Variants in ARHGAP35 observed in about 807,000 individuals in gnomAD.
ARHGAP35 encodes rho GTPase-activating protein 35.
A neutral mutation model predicts 111.1 loss-of-function variants in ARHGAP35; 15 were observed. That is an observed-to-expected ratio of 0.13 (90% CI 0.09 to 0.21). The LOEUF is 0.21. Ranked by LOEUF, ARHGAP35 falls within the 10% of genes least tolerant of loss-of-function variation. The pLI is 1.00. For missense variants in ARHGAP35, 1,262 were observed against 1,873.0 expected (o/e 0.67, Z 6.02); for synonymous variants, 643 against 710.3 (o/e 0.91, Z 1.51).
intron 3 of ARHGAP35, among the ~76,000 whole-genome samples, chr19:46,940,011 C>T (rs1459008200): frequency 6.6e-6 from 1 of 151,232 alleles, no homozygotes; most frequent in African/African-American, 2.4e-5. Context: ...CCGAGGCAAG[C>T]AGATCATGAG....
chr19:46,867,758 T>TTTG (rs574337716), intron 1 of ARHGAP35, among the ~76,000 whole-genome samples: 13 of 152,122 alleles, frequency 8.5e-5, no homozygotes, highest in African/African-American at 1.7e-4. Context: ...GCTAAAGTTT[T>TTTG]TTGTTGTTGT....
Position 47,001,182 on chromosome 19 carries a change from C to A in ARHGAP35, c.*494C>A. 8.0e-7 allele frequency: 1 copy of A among 1,242,330 alleles called. No homozygotes were observed. Among genetic ancestry groups the A allele is most frequent in the Non-Finnish European group, 1.0e-6 (1 of 967,754 alleles). 77.0% of individuals were successfully genotyped at this position (1,242,330 alleles called of 1,614,324 possible). ...CAAGGTAAGGGTACAGCCCGGCTGG[C>A]GGCCTCCTTGGGAACGTGTAGGCCA... On this transcript the variant is annotated 3_prime_UTR_variant, in exon 7 of 7. Coordinates refer to ENST00000672722, the MANE Select transcript of ARHGAP35 (RefSeq NM_004491.5). This position sits in a 1 kb window ranked among gnomAD's most constrained non-coding sequence, Gnocchi z 5.4.
rs921216102 is a variant in ARHGAP35, at chr19:47,005,001, A to T, written c.*4313A>T. The T allele has an allele frequency of 1.3e-5, 2 of 152,194 alleles. No homozygotes were observed. Among genetic ancestry groups the T allele is most frequent in the South Asian group, 4.1e-4 (2 of 4,832 alleles). The allele number at this position is 152,194 out of a possible 1,614,324, so 9.4% of individuals were successfully genotyped here. On this transcript the variant is annotated 3_prime_UTR_variant, in exon 7 of 7. Transcript: ENST00000672722. ...GCTACAAAGTATTGTACTTGTCTCA[A>T]TGGGAATGGTGTAAAAAACAAAAGG... is the stretch of plus-strand genomic sequence containing the variant.
intron 1 of ARHGAP35, among the ~76,000 whole-genome samples, chr19:46,883,187 G>A (rs549768619): frequency 5.3e-5 from 8 of 151,862 alleles, no homozygotes; most frequent in East Asian, 1.9e-4. Flanking sequence ...CTCCGCCTCC[G>A]AGGTTCAAGC....
rs1219206816 is a variant in ARHGAP35, at chr19:47,003,030, AG to A, written c.*2345del. ...AGGGACTGTGGCAGCTTATGTCCAA[AG>A]GGAGCCCCCATGCACAGGAAGCCAC... On this transcript the variant is annotated 3_prime_UTR_variant, in exon 7 of 7. Coordinates refer to ENST00000672722, the MANE Select transcript of ARHGAP35 (RefSeq NM_004491.5). The A allele has an allele frequency of 6.6e-6, 1 of 152,356 alleles. No individual in the cohort carries two copies. The highest frequency in any genetic ancestry group is 2.4e-5 in the African/African-American group (1 of 41,452). The allele number at this position is 152,356 out of a possible 1,614,324, so 9.4% of individuals were successfully genotyped here. A position where few individuals can be genotyped will look rare whatever the true frequency, so the allele number is the denominator to read the frequency against.
chr19:46,882,204 G>T (rs978593275), intron 1 of ARHGAP35, among the ~76,000 whole-genome samples: 6 of 151,716 alleles, frequency 4.0e-5, no homozygotes, highest in African/African-American at 1.5e-4. Flanking sequence ...CATGATTATG[G>T]CTTACTGTAG....
In ARHGAP35 at chr19:47,004,627, T is replaced by C. The variant is rs1171782651; in HGVS notation, c.*3939T>C. ...ACATGTTAAATGATCTTTATATATG[T>C]TGAATTAACAAATATTTTGAGTTTC... is the stretch of plus-strand genomic sequence containing the variant. On this transcript the variant is annotated 3_prime_UTR_variant, in exon 7 of 7. Transcript: ENST00000672722. 2 of 152,708 alleles carry C rather than the reference T, an allele frequency of 1.3e-5. No individual in the cohort carries two copies. The highest frequency in any genetic ancestry group is 2.9e-5 in the Non-Finnish European group (2 of 68,052). 9.5% of individuals were successfully genotyped at this position (152,708 alleles called of 1,614,324 possible). A position where few individuals can be genotyped will look rare whatever the true frequency, so the allele number is the denominator to read the frequency against.
At position 46,922,464 on chromosome 19, in the gene ARHGAP35, C is replaced by G; in HGVS notation, c.3681+108C>G. 9.3e-7 allele frequency: 1 copy of G among 1,080,434 alleles called. No homozygotes were observed. The highest frequency in any genetic ancestry group is 1.3e-6 in the Non-Finnish European group (1 of 783,314). The allele number at this position is 1,080,434 out of a possible 1,614,324, so 66.9% of individuals were successfully genotyped here. ...ACCTATTCTGGTAAAAAAAAAACTG[C>G]CCTGTGTGTGTATTTGACTTAACAT... On this transcript the variant is annotated intron_variant, in intron 2 of 6. Coordinates refer to ENST00000672722, the MANE Select transcript of ARHGAP35 (RefSeq NM_004491.5). The surrounding 1 kb of genome is among the most constrained non-coding windows in gnomAD (Gnocchi z 4.0).
At chr19:46,903,666 C>T (rs2056091948) in intron 1 of ARHGAP35, among the ~76,000 whole-genome samples, 1 of 152,154 alleles carries the variant, frequency 6.6e-6, no homozygotes, top group African/African-American at 2.4e-5. Flanking sequence ...AGGGCTAAAC[C>T]AGTGATAAGA....
chr19:46,964,478 G>A (rs540682126), intron 3 of ARHGAP35, among the ~76,000 whole-genome samples: 38 of 152,252 alleles, frequency 2.5e-4, no homozygotes, highest in African/African-American at 8.9e-4. Context: ...AGCTGGTCTT[G>A]AACTCCTGAG....
intron 1 of ARHGAP35, among the ~76,000 whole-genome samples, chr19:46,879,042 A>G (rs781050230): frequency 6.6e-6 from 1 of 152,202 alleles, no homozygotes; most frequent in African/African-American, 2.4e-5. Context: ...TCAAAATTAG[A>G]GTCAATCCTC....
intron 1 of ARHGAP35, among the ~76,000 whole-genome samples, chr19:46,864,827 T>A (rs2055846757): frequency 6.6e-6 from 1 of 152,266 alleles, no homozygotes; most frequent in Non-Finnish European, 1.5e-5. Context: ...AGAGTTTGTG[T>A]TACCCATGTT....
At chr19:46,872,087 T>C (rs1042472642) in intron 1 of ARHGAP35, among the ~76,000 whole-genome samples, 2 of 152,096 alleles carry the variant, frequency 1.3e-5, no homozygotes, top group African/African-American at 2.4e-5. Flanking sequence ...TGTTTATAAA[T>C]TTAAAAAAAA....
intron 1 of ARHGAP35, among the ~76,000 whole-genome samples, chr19:46,883,036 A>G (rs527764853): frequency 1.3e-5 from 2 of 152,242 alleles, no homozygotes; most frequent in Non-Finnish European, 2.9e-5. Flanking sequence ...AAAGCGAGGG[A>G]CATGTGACTC....
At chr19:46,977,897 G>A (rs1239426322) in intron 3 of ARHGAP35, among the ~76,000 whole-genome samples, 2 of 152,246 alleles carry the variant, frequency 1.3e-5, no homozygotes, top group Non-Finnish European at 2.9e-5. Context: ...AAAGGCTTAT[G>A]GCTGGCCTTG....
At chr19:46,982,896 A>T (rs921651750) in intron 3 of ARHGAP35, among the ~76,000 whole-genome samples, 1 of 151,610 alleles carries the variant, frequency 6.6e-6, no homozygotes, top group South Asian at 2.1e-4. Flanking sequence ...AAAAAAATTT[A>T]AAAATTAGCC....
rs921216102 is a variant in ARHGAP35 at position 47,005,001 on chromosome 19, A to C, written c.*4313A>C. 1 of 152,194 alleles carries C rather than the reference A, an allele frequency of 6.6e-6. No homozygotes were observed. The highest frequency in any genetic ancestry group is 1.5e-5 in the Non-Finnish European group (1 of 68,036). 9.4% of individuals were successfully genotyped at this position (152,194 alleles called of 1,614,324 possible). A position where few individuals can be genotyped will look rare whatever the true frequency, so the allele number is the denominator to read the frequency against. ...GCTACAAAGTATTGTACTTGTCTCA[A>C]TGGGAATGGTGTAAAAAACAAAAGG... is the stretch of plus-strand genomic sequence containing the variant. On this transcript the variant is annotated 3_prime_UTR_variant, in exon 7 of 7. Coordinates refer to ENST00000672722, the MANE Select transcript of ARHGAP35 (RefSeq NM_004491.5).
chr19:46,874,661 T>C (rs6509296), intron 1 of ARHGAP35, among the ~76,000 whole-genome samples: 144,234 of 151,306 alleles, frequency 0.95, 68,867 homozygotes, highest in African/African-American at 0.99. Context: ...CCTGCTACCA[T>C]GCCTGGCTAA....
intron 1 of ARHGAP35, among the ~76,000 whole-genome samples, chr19:46,892,128 A>AG (rs2056027283): frequency 6.7e-6 from 1 of 148,606 alleles, no homozygotes; most frequent in Non-Finnish European, 1.5e-5. Context: ...TCTACTAAAA[A>AG]AAAAAAAAAA....
Sources: gnomAD v4.1 joint callset for allele counts (sites outside exome capture counted in the v4.1 genomes callset) on GRCh38, gnomAD v4.1.1 for gene constraint, Gnocchi (gnomAD v3.1) non-coding constraint, MANE v1.5 for transcripts, NCBI Gene and HGNC (gene_info 2026-07-23, HGNC 2026-07-21) for gene names.